PRKN: variants seen among roughly 807,000 people sequenced by gnomAD.
PRKN encodes the protein parkin RBR E3 ubiquitin protein ligase, also known as E3 ubiquitin-protein ligase parkin.
A neutral mutation model predicts 59.5 loss-of-function variants in PRKN; 56 were observed. That is an observed-to-expected ratio of 0.94 (90% CI 0.76 to 1.18). PRKN has a LOEUF of 1.18. PRKN is among the 50% of genes most tolerant of loss of function. The pLI is 0.00. For synonymous variants in PRKN, 250 were observed against 222.1 expected, an observed-to-expected ratio of 1.13 and a Z score of -1.12; for missense variants, 657 against 596.4, an observed-to-expected ratio of 1.10 and a Z score of -1.06.
chr6:162,717,894 G>C (rs2803107), intron 1 of PRKN, among the ~76,000 whole-genome samples: 139,576 of 152,294 alleles, frequency 0.92, 64,131 homozygotes, highest in East Asian at 0.98. Flanking sequence ...CATTTGTCCT[G>C]AAGATTGTGT....
rs1384868374 is a variant in PRKN at position 161,480,897 on chromosome 6, T to C, written c.1083+67957A>G. 1.3e-5 allele frequency among the ~76,000 whole-genome samples: 2 copies of C among 152,206 alleles called. No homozygotes were observed. Among genetic ancestry groups the C allele is most frequent in the Non-Finnish European group, 2.9e-5 (2 of 68,042 alleles). The stretch of plus-strand genomic sequence containing the variant: ...TCATAAGCAGTGTGCTAACAACCCA[T>C]TGGTAACTGGAAAGGAAAGCTGATG... On this transcript the variant is annotated intron_variant, in intron 9 of 11. Coordinates refer to ENST00000366898, the MANE Select transcript of PRKN (RefSeq NM_004562.3). The surrounding 1 kb of genome is among the most constrained non-coding windows in gnomAD (Gnocchi z 4.1).
chr6:162,663,522 G>T (rs963320967), intron 1 of PRKN, among the ~76,000 whole-genome samples: 1 of 152,042 alleles, frequency 6.6e-6, no homozygotes, highest in Non-Finnish European at 1.5e-5. Context: ...ATCACAAAAC[G>T]AAGAGCATTT....
intron 7 of PRKN, among the ~76,000 whole-genome samples, chr6:161,679,873 GC>G (rs907443037): frequency 1.4e-5 from 2 of 145,142 alleles, no homozygotes; most frequent in African/African-American, 5.1e-5. Context: ...TCCTGCCTCA[GC>G]CCCCCCAGGA....
At chr6:162,250,273 G>A (rs7769473) in intron 3 of PRKN, among the ~76,000 whole-genome samples, 29,715 of 151,974 alleles carry the variant, frequency 0.2, 3,387 homozygotes, top group South Asian at 0.35. Context: ...TTGGTGCAGC[G>A]TTGAGCTTGT....
At chr6:162,554,225 C>T (rs1019318053) in intron 1 of PRKN, among the ~76,000 whole-genome samples, 6 of 152,092 alleles carry the variant, frequency 3.9e-5, no homozygotes, top group African/African-American at 1.2e-4. Context: ...ACAGAATGGC[C>T]AGGCGCAGTG....
chr6:161,880,023 C>T (rs552442413), intron 6 of PRKN, among the ~76,000 whole-genome samples: 29 of 152,220 alleles, frequency 1.9e-4, no homozygotes, highest in African/African-American at 7.0e-4. Context: ...AGCTTGGAGT[C>T]TGATACTATG....
intron 7 of PRKN, among the ~76,000 whole-genome samples, chr6:161,762,122 A>G (rs567872065): frequency 6.6e-5 from 10 of 152,278 alleles, no homozygotes; most frequent in African/African-American, 1.4e-4. Context: ...AGTTAATGAG[A>G]GGAATTTAGG....
chr6:162,419,301 G>A (rs928996543), intron 2 of PRKN, among the ~76,000 whole-genome samples: 8 of 152,124 alleles, frequency 5.3e-5, no homozygotes, highest in Non-Finnish European at 7.3e-5. Flanking sequence ...GCTGGTGAGA[G>A]ATGAAAATAG....
intron 1 of PRKN, among the ~76,000 whole-genome samples, chr6:162,676,677 TA>T (rs879552292): frequency 1.3e-5 from 2 of 152,118 alleles, no homozygotes; most frequent in Non-Finnish European, 2.9e-5. Flanking sequence ...TCAACTAAGG[TA>T]AAAAGTTACT....
At chr6:161,736,578 G>A (rs1787974581) in intron 7 of PRKN, among the ~76,000 whole-genome samples, 1 of 152,112 alleles carries the variant, frequency 6.6e-6, no homozygotes, top group African/African-American at 2.4e-5. Flanking sequence ...GCTGAGACCT[G>A]GTCTAATCTC....
Position 161,349,622 on chromosome 6 carries a change from C to T in PRKN, c.*477G>A, listed in dbSNP as rs943928519. 1.2e-5 allele frequency: 3 copies of T among 257,538 alleles called. No homozygotes were observed. In the Admixed American group the frequency reaches 1.5e-4, roughly 13 times the overall value. 16.0% of individuals were successfully genotyped at this position (257,538 alleles called of 1,614,324 possible). A position where few individuals can be genotyped will look rare whatever the true frequency, so the allele number is the denominator to read the frequency against. Reference sequence around the variant, plus strand: ...GGAGAACCCACTGCAGTTCATTTTACAGAGAAACACCTTGTCAATGGCATC... The same window carrying T: ...GGAGAACCCACTGCAGTTCATTTTATAGAGAAACACCTTGTCAATGGCATC... On this transcript the variant is annotated 3_prime_UTR_variant, in exon 12 of 12. Transcript: ENST00000366898. The surrounding 1 kb of genome is among the most constrained non-coding windows in gnomAD (Gnocchi z 5.5).
At chr6:161,778,788 C>T (rs891962561) in intron 7 of PRKN, among the ~76,000 whole-genome samples, 2 of 152,130 alleles carry the variant, frequency 1.3e-5, no homozygotes, top group African/African-American at 4.8e-5. Context: ...TTGTCAGGGG[C>T]TGTGCTGCAT....
chr6:161,745,146 T>C (rs914376225), intron 7 of PRKN, among the ~76,000 whole-genome samples: 1 of 152,208 alleles, frequency 6.6e-6, no homozygotes, highest in Non-Finnish European at 1.5e-5. Context: ...ACCTATAATA[T>C]AGAAGTTACA....
chr6:162,470,017 A>G, intron 1 of PRKN, among the ~76,000 whole-genome samples: 1 of 152,164 alleles, frequency 6.6e-6, no homozygotes, highest in East Asian at 1.9e-4. Flanking sequence ...AGGACTAGGA[A>G]ACTACATGAG....
At chr6:162,510,479 T>C (rs530239356) in intron 1 of PRKN, among the ~76,000 whole-genome samples, 132 of 152,300 alleles carry the variant, frequency 8.7e-4, no homozygotes, top group Middle Eastern at 3.4e-3. Context: ...GTGGCCTCCT[T>C]GGCCAGCTGC....
intron 2 of PRKN, among the ~76,000 whole-genome samples, chr6:162,398,991 C>T (rs553345778): frequency 5.3e-5 from 8 of 152,212 alleles, no homozygotes; most frequent in African/African-American, 1.9e-4. Flanking sequence ...AAAACATAAA[C>T]ATGATTATCA....
intron 7 of PRKN, among the ~76,000 whole-genome samples, chr6:161,724,959 T>C (rs1787378710): frequency 1.3e-5 from 2 of 152,180 alleles, no homozygotes; most frequent in South Asian, 4.1e-4. Flanking sequence ...TAAGATCTGG[T>C]TATTTCAAAG....
At position 161,518,632 on chromosome 6, in the gene PRKN, C is replaced by T. The variant is rs970054459; in HGVS notation, c.1083+30222G>A. ...CACGGCCTCCCCCTAGCAGCACAAG[C>T]CCAGCCTCCGCTCACCCAGCCCCCT... is the stretch of plus-strand genomic sequence containing the variant. On this transcript the variant is annotated intron_variant, in intron 9 of 11. Coordinates refer to ENST00000366898, the MANE Select transcript of PRKN (RefSeq NM_004562.3). This position sits in a 1 kb window ranked among gnomAD's most constrained non-coding sequence, Gnocchi z 5.0. Among the ~76,000 whole-genome samples the T allele has an allele frequency of 2.6e-5, 4 of 152,216 alleles. No individual in the cohort carries two copies. The South Asian group carries it at 8.3e-4, about 31-fold the overall frequency.
At chr6:162,621,744 C>T (rs1263576048) in intron 1 of PRKN, among the ~76,000 whole-genome samples, 1 of 152,132 alleles carries the variant, frequency 6.6e-6, no homozygotes, top group African/African-American at 2.4e-5. Context: ...TTCACTATTG[C>T]CCCTAACTCT....
Sources: gnomAD v4.1 joint callset for allele counts (sites outside exome capture counted in the v4.1 genomes callset) on GRCh38, gnomAD v4.1.1 for gene constraint, Gnocchi (gnomAD v3.1) non-coding constraint, MANE v1.5 for transcripts, NCBI Gene and HGNC (gene_info 2026-07-23, HGNC 2026-07-21) for gene names.